HMCN1: variants seen among roughly 807,000 people sequenced by gnomAD.
The protein encoded by HMCN1 is hemicentin-1.
HMCN1 carries 321 observed loss-of-function variants against 625.9 expected under a neutral mutation model. The ratio of observed to expected loss-of-function variants is 0.51; its 90% confidence interval spans 0.47 to 0.56. HMCN1 has a LOEUF of 0.56. HMCN1 is among the 20% of genes least tolerant of loss of function. The pLI is 0.00. For synonymous variants in HMCN1, 2,425 were observed against 2,417.6 expected, an observed-to-expected ratio of 1.00 and a Z score of -0.09; for missense variants, 6,588 against 6,887.3, an observed-to-expected ratio of 0.96 and a Z score of 1.54.
At chr1:186,016,315 C>T (rs369045058) in intron 32 of HMCN1, 76 bp downstream of exon 32, 1 of 1,372,998 alleles carries the variant, frequency 7.3e-7, no homozygotes, top group Admixed American at 1.8e-5. Flanking sequence ...CTTTTTTGTT[C>T]ATGCAATAAT....
intron 38 of HMCN1, 121 bp from the exon 39 acceptor site, chr1:186,039,607 C>CA: frequency 9.1e-7 from 1 of 1,099,278 alleles, no homozygotes; most frequent in East Asian, 2.4e-5. Flanking sequence ...AAGAACTTAC[C>CA]AAAAAACAAG....
chr1:186,153,855 A>G lies in HMCN1; in HGVS notation c.15124A>G (p.Thr5042Ala). ...GISIPYTWNH[T>A]VFYDQAQGRM... ...CAGCATCCCATACACATGGAACCAC[A>G]CCGTTTTCTATGATCAGGCACAGGG... The change falls in exon 97 of 107, where the codon ACC (threonine) becomes GCC (alanine). Residue 5042 changes from threonine to alanine, a missense_variant. Thr to Ala is a moderately conservative substitution (Grantham distance 58, BLOSUM62 0). Transcript: ENST00000271588. 6.2e-7 allele frequency: 1 copy of G among 1,614,128 alleles called. No homozygotes were observed. The highest frequency in any genetic ancestry group is 8.5e-7 in the Non-Finnish European group (1 of 1,180,002).
intron 21 of HMCN1, among the ~76,000 whole-genome samples, 166 bp downstream of exon 21, chr1:185,989,813 T>G (rs1382288711): frequency 6.6e-6 from 1 of 151,378 alleles, no homozygotes; most frequent in African/African-American, 2.4e-5. Context: ...CATTTTTTAC[T>G]GCCAACCAAA....
chr1:185,735,701 A>G (rs1653513181), intron 1 of HMCN1, among the ~76,000 whole-genome samples: 2 of 152,178 alleles, frequency 1.3e-5, no homozygotes, highest in Non-Finnish European at 2.9e-5. Context: ...GTGCTTTTTA[A>G]AGGTAGTTGA....
At chr1:185,924,924 A>C in intron 8 of HMCN1, 123 bp from the exon 9 acceptor site, 1 of 873,908 alleles carries the variant, frequency 1.1e-6, no homozygotes, top group African/African-American at 1.7e-5. Context: ...GTTAATTGGA[A>C]TGCAGAGGAT....
At chr1:186,066,970 A>T (rs902425438) in intron 49 of HMCN1, among the ~76,000 whole-genome samples, 1 of 152,200 alleles carries the variant, frequency 6.6e-6, no homozygotes, top group Non-Finnish European at 1.5e-5. Flanking sequence ...TCAAATTCCT[A>T]TATAGAATTG....
chr1:185,834,495 C>A (rs558923587), intron 1 of HMCN1, among the ~76,000 whole-genome samples: 3 of 152,138 alleles, frequency 2.0e-5, no homozygotes, highest in East Asian at 3.9e-4. Context: ...TTATATGGGT[C>A]TCCATAGGGT....
intron 97 of HMCN1, among the ~76,000 whole-genome samples, chr1:186,164,158 C>A (rs2208692): frequency 0.37 from 55,948 of 151,880 alleles, 10,948 homozygotes; most frequent in African/African-American, 0.49. Context: ...CATGAGCAGG[C>A]AGACTTGGAT....
chr1:185,808,100 C>T (rs1260177533), intron 1 of HMCN1, among the ~76,000 whole-genome samples: 1 of 152,082 alleles, frequency 6.6e-6, no homozygotes, highest in African/African-American at 2.4e-5. Flanking sequence ...AATCCCAGCA[C>T]TTTGGGAGGC....
At chr1:185,886,928 C>T (rs73058214) in intron 4 of HMCN1, among the ~76,000 whole-genome samples, 9,658 of 152,120 alleles carry the variant, frequency 0.063, 1,079 homozygotes, top group African/African-American at 0.22. Flanking sequence ...CCTTGCCATC[C>T]AAATGTATCT....
At chr1:186,055,746 G>A in intron 45 of HMCN1, 72 bp downstream of exon 45, 1 of 1,408,214 alleles carries the variant, frequency 7.1e-7, no homozygotes, top group Non-Finnish European at 1.0e-6. Context: ...GGAGATATAG[G>A]CCTCAAGTAC....
intron 11 of HMCN1, among the ~76,000 whole-genome samples, chr1:185,942,190 C>CAAAAAA (rs541622782): frequency 3.8e-5 from 2 of 53,084 alleles, no homozygotes. Flanking sequence ...GACTCCATCT[C>CAAAAAA]AAAAAAAAAA....
chr1:186,093,590 C>G lies in HMCN1; in HGVS notation c.10117C>G (p.Gln3373Glu). 6.2e-7 allele frequency: 1 copy of G among 1,613,490 alleles called. No individual in the cohort carries two copies. Among genetic ancestry groups the G allele is most frequent in the Non-Finnish European group, 8.5e-7 (1 of 1,179,658 alleles). The part of the protein sequence containing the change: ...ECRATGTPPP[Q>E]INWLKNGLPL... ...CAGAGCCACAGGGACGCCTCCACCA[C>G]AGATAAACTGGCTGAAGAATGGACT... The change falls in exon 66 of 107, where the codon CAG becomes GAG. Residue 3373 changes from glutamine (Q) to glutamate (E), a missense_variant. By Grantham distance (29) the Gln-to-Glu change is conservative. Around this residue, in one of 3 missense-constraint regions of HMCN1, gnomAD observed 4,628 missense variants for 4,853.1 expected, o/e 0.95. Transcript: ENST00000271588.
At chr1:186,174,379 G>T in intron 102 of HMCN1, 135 bp from the exon 103 acceptor site, 1 of 1,000,584 alleles carries the variant, frequency 1.0e-6, no homozygotes, top group Non-Finnish European at 1.5e-6. Flanking sequence ...CTGATTCCAA[G>T]TTGTAAGCTG....
intron 1 of HMCN1, among the ~76,000 whole-genome samples, chr1:185,792,522 T>C (rs56862705): frequency 0.09 from 13,644 of 152,116 alleles, 1,960 homozygotes; most frequent in African/African-American, 0.31. Flanking sequence ...TAAACTTGAT[T>C]CTATTCAGCC....
In HMCN1 at chr1:185,962,560, C is replaced by A; in HGVS notation, c.1871C>A (p.Thr624Lys). The A allele has an allele frequency of 6.2e-7, 1 of 1,612,484 alleles. No homozygotes were observed. The highest frequency in any genetic ancestry group is 8.5e-7 in the Non-Finnish European group (1 of 1,178,562). ...GTGATGCCCAAGAATCAGTCTTTCA[C>A]AGGAGGGTCTGAGGTCTCCATCATG... ...VTVMPKNQSF[T>K]GGSEVSIMCS... The change falls in exon 12 of 107, where the codon ACA becomes AAA. Residue 624 changes from threonine (T) to lysine (K), a missense_variant. Thr to Lys is a moderately conservative substitution (Grantham distance 78). Around this residue, in one of 3 missense-constraint regions of HMCN1, gnomAD observed 4,628 missense variants for 4,853.1 expected, o/e 0.95. Transcript: ENST00000271588.
chr1:186,134,820 A>G (rs1394028072), intron 86 of HMCN1, among the ~76,000 whole-genome samples: 1 of 152,122 alleles, frequency 6.6e-6, no homozygotes, highest in African/African-American at 2.4e-5. Flanking sequence ...ATGTCACTAA[A>G]ACACTGCTCT....
intron 1 of HMCN1, among the ~76,000 whole-genome samples, chr1:185,790,708 A>G (rs891440468): frequency 4.6e-5 from 7 of 152,210 alleles, no homozygotes; most frequent in Middle Eastern, 3.2e-3. Context: ...GCCTCCAGGC[A>G]CTAATTGCTG....
chr1:185,973,146 G>C (rs1272971594), intron 15 of HMCN1, among the ~76,000 whole-genome samples: 1 of 152,034 alleles, frequency 6.6e-6, no homozygotes, highest in Non-Finnish European at 1.5e-5. Context: ...TCACTGGTTG[G>C]TTGTAAAGAT....
Sources: gnomAD v4.1 joint callset for allele counts (sites outside exome capture counted in the v4.1 genomes callset) on GRCh38, gnomAD v4.1.1 for gene constraint, gnomAD v4.1.1 regional missense constraint, MANE v1.5 for transcripts, NCBI Gene and HGNC (gene_info 2026-07-23, HGNC 2026-07-21) for gene names.